The following RAI1 variants were observed in gnomAD, a reference collection of about 807,000 sequenced individuals.
RAI1 encodes retinoic acid-induced protein 1.
Under a neutral mutation model 123.8 loss-of-function variants are expected in RAI1, and 9 were observed. That is an observed-to-expected ratio of 0.07 (90% CI 0.04 to 0.13). RAI1 has a LOEUF of 0.13. RAI1 is among the 10% of genes least tolerant of loss of function. The pLI is 1.00. For missense variants in RAI1, 2,256 were observed against 2,545.8 expected, an observed-to-expected ratio of 0.89 and a Z score of 2.45; for synonymous variants, 1,231 against 1,127.3, an observed-to-expected ratio of 1.09 and a Z score of -1.84.
chr17:17,750,521 A>T (rs2030113404), intron 2 of RAI1, among the ~76,000 whole-genome samples: 2 of 152,052 alleles, frequency 1.3e-5, no homozygotes, highest in Non-Finnish European at 2.9e-5. Context: ...CGAGAGTTTG[A>T]GACCAGCCTA....
chr17:17,756,398 T>C (rs2030439654), intron 2 of RAI1, among the ~76,000 whole-genome samples: 1 of 152,052 alleles, frequency 6.6e-6, no homozygotes, highest in Non-Finnish European at 1.5e-5. Context: ...GGTTTCTCCA[T>C]GTTGGTCAGG....
At chr17:17,723,703 C>G (rs1323223395) in intron 1 of RAI1, among the ~76,000 whole-genome samples, 3 of 149,216 alleles carry the variant, frequency 2.0e-5, no homozygotes, top group Non-Finnish European at 3.0e-5. Flanking sequence ...GCCCCCTCCT[C>G]CTCCTCCCTT....
intron 2 of RAI1, among the ~76,000 whole-genome samples, chr17:17,757,784 A>G (rs913679108): frequency 1.3e-5 from 2 of 152,226 alleles, no homozygotes; most frequent in Non-Finnish European, 2.9e-5. Context: ...CGCTAAAAGG[A>G]GAAGCAGTAA....
chr17:17,784,620 G>C (rs759989595), intron 2 of RAI1, among the ~76,000 whole-genome samples: 1 of 152,198 alleles, frequency 6.6e-6, no homozygotes, highest in Non-Finnish European at 1.5e-5. Flanking sequence ...CCAGGAGAGG[G>C]GGGGTGTAGG....
At chr17:17,754,592 C>A (rs542622096) in intron 2 of RAI1, among the ~76,000 whole-genome samples, 1 of 152,326 alleles carries the variant, frequency 6.6e-6, no homozygotes, top group South Asian at 2.1e-4. Context: ...AAGTTAGTGG[C>A]ACTAGTAAAG....
Position 17,810,858 on chromosome 17 carries a change from C to A in RAI1, c.*877C>A, listed in dbSNP as rs774129267. ...ACCAGGGACCGCCGCGCCTACTCTG[C>A]ACGGGAGCAGGGACAGCGCTAGATT... is the stretch of plus-strand genomic sequence containing the variant. On this transcript the variant is annotated 3_prime_UTR_variant, in exon 6 of 6. Coordinates refer to ENST00000353383, the MANE Select transcript of RAI1 (RefSeq NM_030665.4). The surrounding 1 kb of genome is among the most constrained non-coding windows in gnomAD (Gnocchi z 4.6). 2.2e-6 allele frequency: 1 copy of A among 447,938 alleles called. No individual in the cohort carries two copies. Among genetic ancestry groups the A allele is most frequent in the South Asian group, 1.6e-5 (1 of 64,120 alleles). The allele number at this position is 447,938 out of a possible 1,614,324, so 27.7% of individuals were successfully genotyped here.
At chr17:17,750,577 C>G (rs539576101) in intron 2 of RAI1, among the ~76,000 whole-genome samples, 1 of 150,480 alleles carries the variant, frequency 6.6e-6, no homozygotes, top group Admixed American at 6.6e-5. Flanking sequence ...CAAAATTAGC[C>G]GGGCATGGTG....
intron 2 of RAI1, among the ~76,000 whole-genome samples, chr17:17,791,604 G>A (rs2032014794): frequency 6.6e-6 from 1 of 152,172 alleles, no homozygotes; most frequent in South Asian, 2.1e-4. Context: ...TGGGGGCCTG[G>A]GCCACACAGG....
At chr17:17,808,362 TTATTTTATTTTA>T (rs1484062873) in intron 4 of RAI1, among the ~76,000 whole-genome samples, 41 of 150,916 alleles carry the variant, frequency 2.7e-4, no homozygotes, top group Non-Finnish European at 5.2e-4. Context: ...TTTTTAAATT[TTATTTTATTTTA>T]TATTTTATTT....
At chr17:17,712,904 A>C (rs1915608725) in intron 1 of RAI1, among the ~76,000 whole-genome samples, 1 of 152,132 alleles carries the variant, frequency 6.6e-6, no homozygotes, top group Non-Finnish European at 1.5e-5. Context: ...GCTGCAGATC[A>C]TATGATTCCA....
At chr17:17,708,855 G>A (rs1466310588) in intron 1 of RAI1, among the ~76,000 whole-genome samples, 3 of 152,308 alleles carry the variant, frequency 2.0e-5, no homozygotes, top group Admixed American at 6.5e-5. Flanking sequence ...CAGTTCATCC[G>A]GAAACAACCA....
intron 2 of RAI1, among the ~76,000 whole-genome samples, chr17:17,792,043 T>G (rs1460772442): frequency 6.6e-6 from 1 of 151,954 alleles, no homozygotes; most frequent in Non-Finnish European, 1.5e-5. Flanking sequence ...CCCATGTGGG[T>G]GGGGCTGGGC....
At position 17,686,608 on chromosome 17, in the gene RAI1, T is replaced by TGTGCGCGCGC. The variant is rs1491248703; in HGVS notation, c.-149+4816_-149+4817insTGCGCGCGCG. ...GTGTGTGTGTGTGTGTGTGTGTGTG[T>TGTGCGCGCGC]GCACGCGCGCGCCGGGGAGGGGAGA... is the stretch of plus-strand genomic sequence containing the variant. On this transcript the variant is annotated intron_variant, in intron 1 of 5. Transcript: ENST00000353383. 6.7e-3 allele frequency among the ~76,000 whole-genome samples: 926 copies of TGTGCGCGCGC among 137,844 alleles called. 25 individuals carry two copies. The highest frequency in any genetic ancestry group is 0.05 in the Admixed American group (674 of 13,592). 90.4% of individuals were successfully genotyped at this position (137,844 alleles called of 152,430 possible).
chr17:17,703,148 C>T (rs1021850221), intron 1 of RAI1, among the ~76,000 whole-genome samples: 1 of 152,154 alleles, frequency 6.6e-6, no homozygotes, highest in African/African-American at 2.4e-5. Flanking sequence ...CCTCCACCCC[C>T]AGGAGTTGGA....
At chr17:17,720,896 C>T (rs1487518048) in intron 1 of RAI1, among the ~76,000 whole-genome samples, 1 of 152,164 alleles carries the variant, frequency 6.6e-6, no homozygotes, top group Non-Finnish European at 1.5e-5. Context: ...GTACCACTGC[C>T]CCAGGAGCTC....
At chr17:17,759,856 C>A (rs2030613921) in intron 2 of RAI1, among the ~76,000 whole-genome samples, 1 of 152,194 alleles carries the variant, frequency 6.6e-6, no homozygotes, top group Non-Finnish European at 1.5e-5. Context: ...ACAAGTTGGA[C>A]AGAGCCCACT....
chr17:17,706,741 G>A (rs1317295479), intron 1 of RAI1, among the ~76,000 whole-genome samples: 1 of 152,232 alleles, frequency 6.6e-6, no homozygotes, highest in Non-Finnish European at 1.5e-5. Context: ...CCATTGGTTT[G>A]AGGGTGGGGC....
chr17:17,715,904 C>G (rs541446572), intron 1 of RAI1, among the ~76,000 whole-genome samples: 1 of 152,294 alleles, frequency 6.6e-6, no homozygotes, highest in African/African-American at 2.4e-5. Flanking sequence ...CCGTTCCGTG[C>G]CCTCCTATGT....
At chr17:17,752,786 C>T (rs2030261459) in intron 2 of RAI1, among the ~76,000 whole-genome samples, 1 of 152,234 alleles carries the variant, frequency 6.6e-6, no homozygotes, top group African/African-American at 2.4e-5. Context: ...CGATTCCTCA[C>T]CCCCTCAGGA....
Sources: gnomAD v4.1 joint callset for allele counts (sites outside exome capture counted in the v4.1 genomes callset) on GRCh38, gnomAD v4.1.1 for gene constraint, Gnocchi (gnomAD v3.1) non-coding constraint, MANE v1.5 for transcripts, NCBI Gene and HGNC (gene_info 2026-07-23, HGNC 2026-07-21) for gene names.